DCX: variants seen among roughly 807,000 people sequenced by gnomAD.
DCX encodes doublecortin.
DCX carries 4 observed loss-of-function variants against 20.9 expected under a neutral mutation model. The ratio of observed to expected loss-of-function variants is 0.19; its 90% CI spans 0.09 to 0.44. The LOEUF (loss-of-function observed/expected upper bound fraction) is 0.44. Among genes scored for constraint, DCX ranks in the 20% least tolerant of loss-of-function variants. The pLI is 0.99. For missense variants in DCX, 133 were observed against 296.9 expected, an observed-to-expected ratio of 0.45 and a Z score of 4.06; for synonymous variants, 103 against 111.4, an observed-to-expected ratio of 0.92 and a Z score of 0.47.
rs140026262 is a variant in DCX, at chrX:111,403,573, G to C, written c.365-2243C>G. On this transcript the variant is annotated intron_variant, in intron 2 of 6. Transcript: ENST00000636035. ...TCCACTCTCTCGTTGGGCTGAATAT[G>C]GAGTAATGGAAAAAGCGCAGCTGAT... Among the ~76,000 whole-genome samples the C allele has an allele frequency of 6.9e-4, 77 of 111,884 alleles. 1 individual carries two copies. In the Middle Eastern group the frequency reaches 0.018, roughly 27 times the overall value.
At chrX:111,340,841 C>A (rs1019227982) in intron 3 of DCX, among the ~76,000 whole-genome samples, 1 of 111,242 alleles carries the variant, frequency 9.0e-6, no homozygotes, top group East Asian at 2.8e-4. Context: ...ACAACAGCAT[C>A]AACAACAACC....
At chrX:111,375,505 T>C (rs981463387) in intron 3 of DCX, among the ~76,000 whole-genome samples, 5 of 111,717 alleles carry the variant, frequency 4.5e-5, no homozygotes, top group African/African-American at 9.7e-5. Context: ...GGTCTCTTCA[T>C]GCTTAAGGCT....
chrX:111,305,858 T>A (rs1225168825), intron 6 of DCX, among the ~76,000 whole-genome samples: 1 of 111,005 alleles, frequency 9.0e-6, no homozygotes, highest in Non-Finnish European at 1.9e-5. Flanking sequence ...TAAATCAAGT[T>A]TGTATTAATC....
chrX:111,400,192 T>C (rs929011154), intron 3 of DCX, among the ~76,000 whole-genome samples: 1 of 111,868 alleles, frequency 8.9e-6, no homozygotes, highest in Non-Finnish European at 1.9e-5. Flanking sequence ...TCCAATTCCC[T>C]TGGAACATTT....
Position 111,312,670 on chromosome X carries a change from G to A in DCX, c.1013C>T (p.Thr338Ile). 1.7e-6 allele frequency: 2 copies of A among 1,211,973 alleles called. No individual in the cohort carries two copies. Among genetic ancestry groups the A allele is most frequent in the Non-Finnish European group, 2.2e-6 (2 of 895,585 alleles). ...GTGCTTCCGGAGGCTGCCAGGACTG[G>A]TGGGCGTAGAGATGGGAGACTGCTT... ...KSKQSPISTPTSPGSLRKHKV... is the reference protein window; with the variant it reads ...KSKQSPISTPISPGSLRKHKV... The change falls in exon 6 of 7, where the codon ACC becomes ATC. Residue 338 changes from threonine to isoleucine, a missense_variant. This residue lies in a region of DCX where 68 missense variants were observed against 84.3 expected (regional missense o/e 0.81). Coordinates refer to ENST00000636035, the MANE Select transcript of DCX (RefSeq NM_001195553.2).
rs1335494391 is a variant in DCX at position 111,346,992 on chromosome X, T to G, written c.706-13839A>C. ...TGGAGATGTCTTACCTATTGCCCAA[T>G]ATAAACTAGAACCACCACCACCATA... On this transcript the variant is annotated intron_variant, in intron 3 of 6. Coordinates refer to ENST00000636035, the MANE Select transcript of DCX (RefSeq NM_001195553.2). Among the ~76,000 whole-genome samples, 3 of 111,555 alleles carry G rather than the reference T, an allele frequency of 2.7e-5. No homozygotes were observed. The East Asian group carries it at 8.4e-4, about 31-fold the overall frequency.
chrX:111,304,542 G>T (rs2147576929), intron 6 of DCX, among the ~76,000 whole-genome samples: 1 of 111,474 alleles, frequency 9.0e-6, no homozygotes, highest in African/African-American at 3.3e-5. Flanking sequence ...TGGGGGTTTG[G>T]AGCTCCCCAA....
chrX:111,349,440 A>G (rs1923132107), intron 3 of DCX, among the ~76,000 whole-genome samples: 1 of 111,740 alleles, frequency 8.9e-6, no homozygotes, highest in African/African-American at 3.3e-5. Flanking sequence ...ACCAAAGACT[A>G]GAGTGTGCAT....
intron 5 of DCX, among the ~76,000 whole-genome samples, chrX:111,324,786 ATCCC>A (rs1276195663): frequency 1.8e-5 from 2 of 112,107 alleles, no homozygotes; most frequent in Non-Finnish European, 3.8e-5. Context: ...TCATCTTAAC[ATCCC>A]TTTTCTTCAT....
At chrX:111,357,768 C>T (rs1923855437) in intron 3 of DCX, among the ~76,000 whole-genome samples, 1 of 107,249 alleles carries the variant, frequency 9.3e-6, no homozygotes, top group Admixed American at 9.9e-5. Context: ...GGCATCAGAG[C>T]GAGGCACGTC....
At position 111,297,504 on chromosome X, in the gene DCX, A is replaced by C. The variant is rs1051151507; in HGVS notation, c.*4183T>G. On this transcript the variant is annotated 3_prime_UTR_variant, in exon 7 of 7. Transcript: ENST00000636035. ...GGTAAGCACCAATCACTGGTCTAAG[A>C]CTTGGACTAGAGGATTCAAAGAAGA... The C allele has an allele frequency of 8.9e-6, 1 of 112,180 alleles. No individual in the cohort carries two copies. Among genetic ancestry groups the C allele is most frequent in the African/African-American group, 3.2e-5 (1 of 30,840 alleles). The allele number at this position is 112,180 out of a possible 1,213,427, so 9.2% of individuals were successfully genotyped here.
chrX:111,399,092 T>A (rs1379842788), intron 3 of DCX, among the ~76,000 whole-genome samples: 1 of 110,848 alleles, frequency 9.0e-6, no homozygotes, highest in African/African-American at 3.3e-5. Context: ...CCAGCCTGGG[T>A]GACAGAGTGA....
chrX:111,387,718 G>A (rs763555095), intron 3 of DCX, among the ~76,000 whole-genome samples: 3 of 111,638 alleles, frequency 2.7e-5, no homozygotes, highest in Non-Finnish European at 3.8e-5. Flanking sequence ...ATTTATATAC[G>A]ACTTCATCAG....
intron 2 of DCX, 109 bp downstream of exon 2, chrX:111,409,926 G>A: frequency 9.7e-7 from 1 of 1,031,744 alleles, no homozygotes; most frequent in Non-Finnish European, 1.4e-6. Context: ...AATCAACCCG[G>A]TGTTTTGAAA....
chrX:111,336,217 TA>T (rs1168228273), intron 3 of DCX, among the ~76,000 whole-genome samples: 1 of 111,852 alleles, frequency 8.9e-6, no homozygotes, highest in Non-Finnish European at 1.9e-5. Flanking sequence ...CATATTGCTC[TA>T]GGGGTTGCTG....
At chrX:111,395,222 C>T (rs767430458) in intron 3 of DCX, among the ~76,000 whole-genome samples, 2 of 111,893 alleles carry the variant, frequency 1.8e-5, no homozygotes, top group African/African-American at 3.2e-5. Flanking sequence ...CAAAAAGAGA[C>T]GTGATTGGCT....
chrX:111,304,685 T>A (rs1038376842), intron 6 of DCX, among the ~76,000 whole-genome samples: 1 of 111,781 alleles, frequency 8.9e-6, no homozygotes, highest in African/African-American at 3.3e-5. Context: ...CAGGGGGCAT[T>A]GATCAGTTGC....
chrX:111,364,649 T>G (rs955035429), intron 3 of DCX, among the ~76,000 whole-genome samples: 29 of 111,982 alleles, frequency 2.6e-4, no homozygotes, highest in African/African-American at 9.4e-4. Context: ...AGCCTCAAAC[T>G]GGAAGCAACC....
chrX:111,352,847 G>C (rs1923430690), intron 3 of DCX, among the ~76,000 whole-genome samples: 1 of 108,790 alleles, frequency 9.2e-6, no homozygotes, highest in African/African-American at 3.4e-5. Flanking sequence ...CAGAGAGAGA[G>C]AGAGAGAGAG....
Sources: allele counts gnomAD v4.1 joint callset (sites outside exome capture counted in the v4.1 genomes callset), GRCh38; gene constraint gnomAD v4.1.1; regional missense constraint gnomAD v4.1.1; transcripts MANE v1.5; gene names NCBI Gene and HGNC (gene_info 2026-07-23, HGNC 2026-07-21).